The following NRG1 variants were observed in gnomAD, a reference collection of about 807,000 sequenced individuals.
NRG1 encodes the protein pro-neuregulin-1, membrane-bound isoform.
In NRG1, 18 loss-of-function variants were observed where a neutral mutation model predicts 63.8. The ratio of observed to expected loss-of-function variants is 0.28; its 90% CI spans 0.19 to 0.42. The LOEUF is 0.42. Ranked by LOEUF, NRG1 falls within the 10% of genes least tolerant of loss-of-function variation. The pLI, the probability that NRG1 is intolerant of heterozygous loss-of-function variation, is 1.00. For missense variants in NRG1, 762 were observed against 814.7 expected (o/e 0.94, Z 0.79); for synonymous variants, 302 against 301.3 (o/e 1.00, Z -0.02).
At chr8:31,736,558 A>G (rs1814686484) in intron 1 of NRG1, among the ~76,000 whole-genome samples, 1 of 152,142 alleles carries the variant, frequency 6.6e-6, no homozygotes, top group Admixed American at 6.6e-5. Flanking sequence ...CAGCCAAGAA[A>G]CAAAACCAAG....
intron 1 of NRG1, among the ~76,000 whole-genome samples, chr8:32,390,297 T>A (rs1811559140): frequency 6.6e-6 from 1 of 152,174 alleles, no homozygotes; most frequent in African/African-American, 2.4e-5. Context: ...CATAAGACTT[T>A]TCCTGTTCTA....
chr8:32,296,379 C>T (rs1232764735), intron 1 of NRG1, among the ~76,000 whole-genome samples: 3 of 152,042 alleles, frequency 2.0e-5, no homozygotes, highest in Non-Finnish European at 4.4e-5. Context: ...CACCTGAGGT[C>T]AGGAGTTCAA....
chr8:32,169,404 T>C (rs943183430), intron 1 of NRG1, among the ~76,000 whole-genome samples: 1 of 152,252 alleles, frequency 6.6e-6, no homozygotes, highest in Non-Finnish European at 1.5e-5. Context: ...ATTTGCGATT[T>C]GTCGGAGTAG....
chr8:32,644,552 G>C (rs1168597223), intron 5 of NRG1, among the ~76,000 whole-genome samples: 1 of 151,996 alleles, frequency 6.6e-6, no homozygotes, highest in Non-Finnish European at 1.5e-5. Context: ...TTTCCAATTT[G>C]GCGGAAAAAA....
At chr8:31,855,441 CTTTTTTTGT>C (rs1827753014) in intron 1 of NRG1, among the ~76,000 whole-genome samples, 1 of 151,914 alleles carries the variant, frequency 6.6e-6, no homozygotes, top group East Asian at 1.9e-4. Context: ...CAACCCCTGC[CTTTTTTTGT>C]TTCCCATTTG....
Position 31,762,444 on chromosome 8 carries a change from A to T in NRG1, c.37+123013A>T, listed in dbSNP as rs1183093043. On this transcript the variant is annotated intron_variant, in intron 1 of 10. Transcript: ENST00000519301. ...TCACATTTCCTTTATCCAGTCTGTC[A>T]CTGATGGGCATATGGACTGGTTCCA... Among the ~76,000 whole-genome samples the T allele has an allele frequency of 2.0e-5, 3 of 152,312 alleles. No homozygotes were observed. The East Asian group carries it at 5.8e-4, about 29-fold the overall frequency.
intron 1 of NRG1, among the ~76,000 whole-genome samples, chr8:31,848,640 C>T (rs1286016165): frequency 6.6e-6 from 1 of 152,168 alleles, no homozygotes; most frequent in Non-Finnish European, 1.5e-5. Flanking sequence ...CTGAGCCCTG[C>T]TTCCTGTCAG....
At chr8:32,307,502 A>G (rs142556558) in intron 1 of NRG1, among the ~76,000 whole-genome samples, 2 of 152,294 alleles carry the variant, frequency 1.3e-5, no homozygotes, top group African/African-American at 2.4e-5. Flanking sequence ...GATTTTAAAT[A>G]AAAATGGTAA....
At chr8:32,132,484 C>T (rs1272307857) in intron 1 of NRG1, among the ~76,000 whole-genome samples, 2 of 152,012 alleles carry the variant, frequency 1.3e-5, no homozygotes, top group Non-Finnish European at 2.9e-5. Context: ...AGGCAAGAGG[C>T]AGAGGAAATA....
chr8:31,865,998 A>T (rs1349920306), intron 1 of NRG1, among the ~76,000 whole-genome samples: 1 of 152,120 alleles, frequency 6.6e-6, no homozygotes, highest in Non-Finnish European at 1.5e-5. Flanking sequence ...GCTCATTAGG[A>T]GGGACAGATG....
intron 1 of NRG1, among the ~76,000 whole-genome samples, chr8:32,587,072 G>A (rs1170488689): frequency 6.6e-6 from 1 of 152,160 alleles, no homozygotes; most frequent in East Asian, 1.9e-4. Flanking sequence ...GCGTGGTGGT[G>A]TGTGCCTGTG....
intron 1 of NRG1, among the ~76,000 whole-genome samples, chr8:32,222,946 C>G (rs1004939334): frequency 2.0e-5 from 3 of 152,126 alleles, no homozygotes; most frequent in African/African-American, 7.2e-5. Context: ...CCGAGAACAG[C>G]CTGCATTCAA....
chr8:31,771,247 G>A (rs529398516), intron 1 of NRG1, among the ~76,000 whole-genome samples: 8 of 152,252 alleles, frequency 5.3e-5, no homozygotes, highest in Non-Finnish European at 1.2e-4. Flanking sequence ...TAATAACTAT[G>A]CAACCTTTTG....
intron 1 of NRG1, among the ~76,000 whole-genome samples, chr8:32,002,017 TA>T (rs1324266692): frequency 3.3e-5 from 5 of 152,140 alleles, no homozygotes; most frequent in African/African-American, 7.2e-5. Flanking sequence ...AATATCTACA[TA>T]AATTAATTGA....
chr8:32,486,345 T>G (rs1048929831), intron 1 of NRG1, among the ~76,000 whole-genome samples: 2 of 152,208 alleles, frequency 1.3e-5, no homozygotes, highest in African/African-American at 4.8e-5. Flanking sequence ...GTACTATAAG[T>G]GTCCCTCATA....
At chr8:32,303,488 G>T (rs1855849388) in intron 1 of NRG1, among the ~76,000 whole-genome samples, 1 of 152,154 alleles carries the variant, frequency 6.6e-6, no homozygotes, top group African/African-American at 2.4e-5. Context: ...CATTAAGTTA[G>T]CTCATTGGCA....
chr8:31,864,621 A>G (rs1828785974), intron 1 of NRG1, among the ~76,000 whole-genome samples: 3 of 152,130 alleles, frequency 2.0e-5, no homozygotes, highest in Admixed American at 2.0e-4. Context: ...AAGAAGAAAG[A>G]GGCAGTACAA....
intron 1 of NRG1, among the ~76,000 whole-genome samples, chr8:31,715,007 A>G (rs1261122285): frequency 1.3e-5 from 2 of 152,154 alleles, no homozygotes; most frequent in Admixed American, 6.5e-5. Context: ...CCTTTCAAAG[A>G]ATATTTTTAT....
intron 1 of NRG1, among the ~76,000 whole-genome samples, chr8:31,799,477 A>G (rs1821541973): frequency 1.3e-5 from 2 of 152,142 alleles, no homozygotes; most frequent in South Asian, 2.1e-4. Context: ...TAGAGAATTT[A>G]CTACCTTTAC....
Sources: allele counts gnomAD v4.1 joint callset (sites outside exome capture counted in the v4.1 genomes callset), GRCh38; gene constraint gnomAD v4.1.1; transcripts MANE v1.5; gene names NCBI Gene and HGNC (gene_info 2026-07-23, HGNC 2026-07-21).